Variants in SCYL3 observed in about 807,000 individuals in gnomAD.
The protein encoded by SCYL3 is SCY1 like pseudokinase 3.
Under a neutral mutation model 73.8 loss-of-function variants are expected in SCYL3, and 35 were observed. The observed-to-expected ratio is 0.47, with a 90% CI of 0.36 to 0.63. The LOEUF is 0.63. Ranked by LOEUF, SCYL3 falls within the 20% of genes least tolerant of loss-of-function variation. The pLI, the probability that SCYL3 is intolerant of heterozygous loss-of-function variation, is 0.00. For synonymous variants in SCYL3, 277 were observed against 295.2 expected, an observed-to-expected ratio of 0.94 and a Z score of 0.63; for missense variants, 712 against 798.9, an observed-to-expected ratio of 0.89 and a Z score of 1.31.
chr1:169,892,060 C>T (rs541025992), intron 1 of SCYL3, among the ~76,000 whole-genome samples: 1 of 152,144 alleles, frequency 6.6e-6, no homozygotes, highest in Non-Finnish European at 1.5e-5. Flanking sequence ...TTAACTTTGA[C>T]AGAAGTCCAC....
At chr1:169,876,374 G>A (rs1660807820) in intron 3 of SCYL3, among the ~76,000 whole-genome samples, 1 of 152,180 alleles carries the variant, frequency 6.6e-6, no homozygotes, top group African/African-American at 2.4e-5. Flanking sequence ...ACACATTAAA[G>A]CCAGTGCACA....
upstream of SCYL3, chr1:169,894,092 C>T (rs1265531275): frequency 2.6e-5 from 4 of 152,310 alleles, no homozygotes; most frequent in African/African-American, 7.2e-5. Flanking sequence ...CCGAGTTTCA[C>T]TCACTGCCCC....
intron 3 of SCYL3, among the ~76,000 whole-genome samples, chr1:169,878,018 T>C (rs1054603500): frequency 1.3e-5 from 2 of 152,128 alleles, no homozygotes; most frequent in African/African-American, 2.4e-5. Flanking sequence ...AGAATGCAAA[T>C]ACCATTAAGA....
At chr1:169,875,483 C>T (rs185293369) in intron 4 of SCYL3, among the ~76,000 whole-genome samples, 7 of 152,144 alleles carry the variant, frequency 4.6e-5, no homozygotes, top group African/African-American at 7.2e-5. Context: ...TCCTAAATCC[C>T]GCTACTAAGA....
intron 6 of SCYL3, among the ~76,000 whole-genome samples, chr1:169,869,844 AAAG>A (rs1434400655): frequency 6.6e-6 from 1 of 152,254 alleles, no homozygotes; most frequent in Non-Finnish European, 1.5e-5. Flanking sequence ...TTGAAAGAAT[AAAG>A]AAATGTTGAG....
At chr1:169,868,377 A>G (rs1329781560) in intron 7 of SCYL3, among the ~76,000 whole-genome samples, 13 of 152,236 alleles carry the variant, frequency 8.5e-5, no homozygotes, top group Non-Finnish European at 1.8e-4. Context: ...TGAAGGACAC[A>G]TAATTAAAAC....
chr1:169,857,458 G>T (rs1227297986), intron 11 of SCYL3, among the ~76,000 whole-genome samples: 1 of 152,150 alleles, frequency 6.6e-6, no homozygotes, highest in Non-Finnish European at 1.5e-5. Flanking sequence ...GGTTAAATCT[G>T]CAGGTGCAAA....
chr1:169,893,013 T>C (rs953678368), intron 1 of SCYL3, among the ~76,000 whole-genome samples: 2 of 152,174 alleles, frequency 1.3e-5, no homozygotes, highest in Admixed American at 6.5e-5. Context: ...CAGGTATATA[T>C]TCCCTCTGCG....
Position 169,877,399 on chromosome 1 carries a change from C to A in SCYL3, c.351+1235G>T, listed in dbSNP as rs1660924964. Among the ~76,000 whole-genome samples, 3 of 152,184 alleles carry A rather than the reference C, an allele frequency of 2.0e-5. No individual in the cohort carries two copies. The South Asian group carries it at 6.2e-4, about 32-fold the overall frequency. On this transcript the variant is annotated intron_variant, in intron 3 of 12. Transcript: ENST00000367771. ...TCTCAAACTCCTGGGCTCAAGCGAT[C>A]CTCTTGCCTTGGCCTCCCAAAGTGC...
chr1:169,855,695 A>C, intron 11 of SCYL3: 2 of 1,092,170 alleles, frequency 1.8e-6, no homozygotes, highest in Non-Finnish European at 2.6e-6. Context: ...ATAATTACAA[A>C]TAAATCAGTC....
At chr1:169,867,122 T>C in intron 7 of SCYL3, 149 bp from the exon 8 acceptor site, 1 of 576,286 alleles carries the variant, frequency 1.7e-6, no homozygotes, top group African/African-American at 1.9e-5. Context: ...AAGTAGCTTA[T>C]GAGACAAATA....
chr1:169,853,654 T>TATTG lies in SCYL3; in HGVS notation c.*55_*58dup, dbSNP rs915540956. The stretch of plus-strand genomic sequence containing the variant: ...CTTGTCCCAAAGCCTGCTTTTGAGG[T>TATTG]ATTGATTTTTTTTAAAAAAAGGGAA... On this transcript the variant is annotated 3_prime_UTR_variant, in exon 13 of 13. Coordinates refer to ENST00000367771, the MANE Select transcript of SCYL3 (RefSeq NM_020423.7). 6.4e-7 allele frequency: 1 copy of TATTG among 1,570,274 alleles called. No homozygotes were observed. The highest frequency in any genetic ancestry group is 8.7e-7 in the Non-Finnish European group (1 of 1,145,816).
At chr1:169,869,916 C>T (rs932771260) in intron 6 of SCYL3, among the ~76,000 whole-genome samples, 1 of 152,156 alleles carries the variant, frequency 6.6e-6, no homozygotes, top group Non-Finnish European at 1.5e-5. Flanking sequence ...ACATATAAAT[C>T]ATTAATGATA....
chr1:169,862,721 C>A lies in SCYL3; in HGVS notation c.1032G>T (p.Gln344His). 6.2e-7 allele frequency: 1 copy of A among 1,614,170 alleles called. No homozygotes were observed. Among genetic ancestry groups the A allele is most frequent in the South Asian group, 1.1e-5 (1 of 91,082 alleles). ...FQSRVIPVLL[Q>H]LFEVHEEHVR... ...CATGCTCTTCATGAACTTCAAACAA[C>A]TGGAGAAGCACGGGGATCACCCGTG... is the stretch of plus-strand genomic sequence containing the variant. The change falls in exon 10 of 13, where the codon CAG (glutamine) becomes CAT (histidine). Residue 344 changes from glutamine (Q) to histidine (H), a missense_variant. By Grantham distance (24) the Gln-to-His change is conservative. Around this residue, in one of 2 missense-constraint regions of SCYL3, gnomAD observed 342 missense variants for 448.1 expected, o/e 0.76. Coordinates refer to ENST00000367771, the MANE Select transcript of SCYL3 (RefSeq NM_020423.7).
At position 169,853,011 on chromosome 1, in the gene SCYL3, G is replaced by A. The variant is rs199793803; in HGVS notation, c.*702C>T. 5 of 1,581,024 alleles carry A rather than the reference G, an allele frequency of 3.2e-6. No homozygotes were observed. The Admixed American group carries it at 7.2e-5, about 23-fold the overall frequency. Reference sequence around the variant, plus strand: ...GAAACTTATCACTAGGCAGAACTGGGTTTGATGCTTTGTCAACTGAAAATA... The same window carrying A: ...GAAACTTATCACTAGGCAGAACTGGATTTGATGCTTTGTCAACTGAAAATA... On this transcript the variant is annotated 3_prime_UTR_variant, in exon 13 of 13. Coordinates refer to ENST00000367771, the MANE Select transcript of SCYL3 (RefSeq NM_020423.7).
At chr1:169,874,297 A>C (rs1480057923) in intron 4 of SCYL3, among the ~76,000 whole-genome samples, 1 of 152,232 alleles carries the variant, frequency 6.6e-6, no homozygotes, top group Non-Finnish European at 1.5e-5. Flanking sequence ...CATTTAGGAC[A>C]CTAGGAATAC....
At chr1:169,865,148 A>G (rs1659949341) in intron 8 of SCYL3, among the ~76,000 whole-genome samples, 1 of 152,142 alleles carries the variant, frequency 6.6e-6, no homozygotes, top group African/African-American at 2.4e-5. Context: ...AAATTTAAAC[A>G]ATGTAGAAAG....
chr1:169,882,005 T>C (rs547360050), intron 2 of SCYL3, among the ~76,000 whole-genome samples: 18 of 152,380 alleles, frequency 1.2e-4, no homozygotes, highest in African/African-American at 4.3e-4. Context: ...GTTTCCACTT[T>C]GACGGCACTT....
intron 2 of SCYL3, among the ~76,000 whole-genome samples, chr1:169,881,301 TA>T (rs1158591851): frequency 1.3e-5 from 2 of 152,198 alleles, no homozygotes; most frequent in East Asian, 1.9e-4. Context: ...TTTCTTAAAT[TA>T]AAAAAATTGA....
Sources: allele counts gnomAD v4.1 joint callset (sites outside exome capture counted in the v4.1 genomes callset), GRCh38; gene constraint gnomAD v4.1.1; regional missense constraint gnomAD v4.1.1; transcripts MANE v1.5; gene names NCBI Gene and HGNC (gene_info 2026-07-23, HGNC 2026-07-21).